The following KAT6B variants were observed in gnomAD, a reference collection of about 807,000 sequenced individuals.
KAT6B encodes lysine acetyltransferase 6B.
In KAT6B, 10 loss-of-function variants were observed where a neutral mutation model predicts 187.5. The ratio of observed to expected loss-of-function variants is 0.05; its 90% CI spans 0.03 to 0.09. The LOEUF (loss-of-function observed/expected upper bound fraction) is 0.09, where lower values mean the gene tolerates loss of function less well. KAT6B is among the 10% of genes least tolerant of loss of function. KAT6B has a pLI of 1.00. For synonymous variants in KAT6B, 861 were observed against 926.8 expected (o/e 0.93, Z 1.29); for missense variants, 1,952 against 2,558.9 (o/e 0.76, Z 5.12).
intron 3 of KAT6B, among the ~76,000 whole-genome samples, chr10:74,880,624 G>T (rs1329840437): frequency 6.6e-6 from 1 of 151,284 alleles, no homozygotes; most frequent in Non-Finnish European, 1.5e-5. Flanking sequence ...TCTTACTGAT[G>T]TTTTTTTTTG....
chr10:75,015,043 G>A (rs1426818462), intron 13 of KAT6B, among the ~76,000 whole-genome samples: 1 of 152,108 alleles, frequency 6.6e-6, no homozygotes, highest in Non-Finnish European at 1.5e-5. Context: ...ACAGATGCTG[G>A]GCTCTGCCTC....
intron 13 of KAT6B, among the ~76,000 whole-genome samples, chr10:75,009,818 A>G (rs911091741): frequency 5.3e-5 from 8 of 152,118 alleles, no homozygotes; most frequent in African/African-American, 1.9e-4. Context: ...CCAGCCTAAC[A>G]TGAAGCAACC....
At chr10:74,952,668 A>G (rs183808479) in intron 3 of KAT6B, among the ~76,000 whole-genome samples, 44 of 152,044 alleles carry the variant, frequency 2.9e-4, no homozygotes, top group African/African-American at 9.9e-4. Context: ...AGGGAGAGCA[A>G]ACTAAAGAGA....
At chr10:74,850,899 G>A (rs1417472253) in intron 3 of KAT6B, among the ~76,000 whole-genome samples, 2 of 152,136 alleles carry the variant, frequency 1.3e-5, no homozygotes, top group Non-Finnish European at 2.9e-5. Flanking sequence ...TAAGTGTCAA[G>A]TCTTGGTCTG....
At chr10:74,998,421 T>G (rs193254248) in intron 13 of KAT6B, among the ~76,000 whole-genome samples, 1 of 152,132 alleles carries the variant, frequency 6.6e-6, no homozygotes, top group Non-Finnish European at 1.5e-5. Flanking sequence ...TATAGCAATA[T>G]GGACTCATAG....
intron 3 of KAT6B, among the ~76,000 whole-genome samples, chr10:74,956,089 A>C (rs1265491562): frequency 1.3e-5 from 2 of 152,002 alleles, no homozygotes; most frequent in Non-Finnish European, 2.9e-5. Flanking sequence ...ATGCCTGCCT[A>C]ATTTTTTTAT....
At chr10:74,825,911 C>CCGGGA (rs917311700), upstream of KAT6B, among the ~76,000 whole-genome samples, 6 of 149,590 alleles carry the variant, frequency 4.0e-5, no homozygotes, top group Admixed American at 1.3e-4. The surrounding 1 kb of genome is among the most constrained non-coding windows in gnomAD (Gnocchi z 5.0). Flanking sequence ...GAGTAGTCGC[C>CCGGGA]CGGGACGGGA....
rs114126792 is a variant in KAT6B at position 75,029,231 on chromosome 10, G to T, written c.4407G>T (p.Ser1469=). The change falls in exon 18 of 18, where the codon TCG becomes TCT. Residue 1469 remains serine (S), a synonymous_variant. Transcript: ENST00000287239. This position sits in a 1 kb window ranked among gnomAD's most constrained non-coding sequence, Gnocchi z 6.2. ...ACCTTAATGTGCAGCCTGGTCACTCGAACCCAGAGGTCTTAATGGACTGTG... is the reference window on the plus strand; with the variant it reads ...ACCTTAATGTGCAGCCTGGTCACTCTAACCCAGAGGTCTTAATGGACTGTG... ...FLDLNVQPGH[S]NPEVLMDCGV... is the part of the protein sequence containing the mutation. 3.7e-6 allele frequency: 6 copies of T among 1,614,128 alleles called. No individual in the cohort carries two copies. Among genetic ancestry groups the T allele is most frequent in the Non-Finnish European group, 5.1e-6 (6 of 1,180,022 alleles).
At chr10:74,851,909 A>G (rs1305860860) in intron 3 of KAT6B, among the ~76,000 whole-genome samples, 1 of 152,046 alleles carries the variant, frequency 6.6e-6, no homozygotes, top group Non-Finnish European at 1.5e-5. Context: ...TGTTTTCTCC[A>G]TTCTGTTTTC....
At chr10:74,985,936 C>T (rs1842779873) in intron 12 of KAT6B, among the ~76,000 whole-genome samples, 1 of 152,156 alleles carries the variant, frequency 6.6e-6, no homozygotes, top group African/African-American at 2.4e-5. Context: ...GTCCCAGCTA[C>T]TTGGGAGGCT....
At chr10:74,886,095 G>A (rs1277932668) in intron 3 of KAT6B, among the ~76,000 whole-genome samples, 3 of 152,160 alleles carry the variant, frequency 2.0e-5, no homozygotes, top group Non-Finnish European at 4.4e-5. Flanking sequence ...TCATCAGGCT[G>A]TAAACAGTAG....
chr10:74,980,158 CAAAAAAT>C (rs1281253025), intron 10 of KAT6B, among the ~76,000 whole-genome samples: 1 of 151,992 alleles, frequency 6.6e-6, no homozygotes, highest in Non-Finnish European at 1.5e-5. Flanking sequence ...GATCCCATCT[CAAAAAAT>C]AAAAAATAAA....
intron 3 of KAT6B, among the ~76,000 whole-genome samples, chr10:74,891,701 T>C (rs1233245168): frequency 3.3e-5 from 5 of 152,244 alleles, no homozygotes; most frequent in African/African-American, 1.2e-4. Flanking sequence ...TTTTGTTGAC[T>C]CTGACTGATG....
intron 13 of KAT6B, among the ~76,000 whole-genome samples, chr10:75,012,400 T>C (rs1844670580): frequency 6.6e-6 from 1 of 151,962 alleles, no homozygotes; most frequent in African/African-American, 2.4e-5. Context: ...TGAACCAAGA[T>C]CACACCACTG....
chr10:74,830,028 AAC>A (rs1554911925), intron 1 of KAT6B, among the ~76,000 whole-genome samples: 6 of 151,340 alleles, frequency 4.0e-5, no homozygotes, highest in African/African-American at 1.5e-4. Flanking sequence ...AAAAAAAAAA[AAC>A]AAAAAAAAAA....
At chr10:74,846,541 T>C (rs1842113975) in intron 3 of KAT6B, among the ~76,000 whole-genome samples, 1 of 152,104 alleles carries the variant, frequency 6.6e-6, no homozygotes, top group Admixed American at 6.6e-5. Flanking sequence ...CAGGTTCAAG[T>C]GATTTCCTTG....
intron 13 of KAT6B, among the ~76,000 whole-genome samples, chr10:75,007,597 C>T (rs925918298): frequency 6.6e-6 from 1 of 151,982 alleles, no homozygotes; most frequent in Non-Finnish European, 1.5e-5. Flanking sequence ...TTGGCTGGAG[C>T]GGATAGAAAG....
chr10:74,998,213 C>CA (rs35533027), intron 13 of KAT6B, among the ~76,000 whole-genome samples: 152,229 of 152,236 alleles, frequency 1, 76,111 homozygotes, highest in Middle Eastern at 1. Flanking sequence ...CTTGGCCTCC[C>CA]AAGTGTGGGA....
intron 3 of KAT6B, among the ~76,000 whole-genome samples, chr10:74,929,446 C>T (rs1016653651): frequency 6.6e-6 from 1 of 152,100 alleles, no homozygotes; most frequent in African/African-American, 2.4e-5. Context: ...AAACGAATGG[C>T]AGTATTAGTC....
Sources: gnomAD v4.1 joint callset for allele counts (sites outside exome capture counted in the v4.1 genomes callset) on GRCh38, gnomAD v4.1.1 for gene constraint, Gnocchi (gnomAD v3.1) non-coding constraint, MANE v1.5 for transcripts, NCBI Gene and HGNC (gene_info 2026-07-23, HGNC 2026-07-21) for gene names.